CDH2: variants seen among roughly 807,000 people sequenced by gnomAD.
The protein encoded by CDH2 is cadherin 2.
In CDH2, 17 loss-of-function variants were observed where a neutral mutation model predicts 92.0. The ratio of observed to expected loss-of-function variants is 0.18; its 90% CI spans 0.13 to 0.28. CDH2 has a LOEUF of 0.28. Ranked by LOEUF, CDH2 falls within the 10% of genes least tolerant of loss-of-function variation. The pLI is 1.00. For missense variants in CDH2, 862 were observed against 1,133.1 expected, an observed-to-expected ratio of 0.76 and a Z score of 3.44; for synonymous variants, 419 against 415.9, an observed-to-expected ratio of 1.01 and a Z score of -0.09.
chr18:28,136,106 G>A (rs2015857589), intron 2 of CDH2, among the ~76,000 whole-genome samples: 1 of 152,112 alleles, frequency 6.6e-6, no homozygotes, highest in Non-Finnish European at 1.5e-5. Flanking sequence ...TTAATTTAAA[G>A]TTAACTTCTG....
At chr18:28,113,510 T>C (rs1262618552) in intron 2 of CDH2, among the ~76,000 whole-genome samples, 1 of 149,794 alleles carries the variant, frequency 6.7e-6, no homozygotes, top group South Asian at 2.1e-4. Flanking sequence ...AAAAGAAATA[T>C]GTTTACCAAA....
chr18:28,085,073 T>A (rs1436191277), intron 2 of CDH2, among the ~76,000 whole-genome samples: 1 of 152,112 alleles, frequency 6.6e-6, no homozygotes, highest in Admixed American at 6.6e-5. Flanking sequence ...TCTGAACTCC[T>A]CCTCCTGTTG....
At chr18:28,077,719 C>T (rs17446323) in intron 2 of CDH2, among the ~76,000 whole-genome samples, 3,326 of 151,730 alleles carry the variant, frequency 0.022, 47 homozygotes, top group East Asian at 0.053. Context: ...GGTGAAACCC[C>T]GTCTCTGCCA....
intron 9 of CDH2, 50 bp from the exon 10 acceptor site, chr18:27,990,400 C>G: frequency 6.5e-7 from 1 of 1,547,824 alleles, no homozygotes; most frequent in Non-Finnish European, 8.8e-7. Context: ...AGAATGCTTG[C>G]ATTCTGTAGT....
chr18:28,008,175 T>G (rs1406381982), intron 5 of CDH2, among the ~76,000 whole-genome samples: 1 of 152,214 alleles, frequency 6.6e-6, no homozygotes, highest in Non-Finnish European at 1.5e-5. Context: ...CTTAAGAATT[T>G]TAAATTGATC....
At chr18:28,085,126 A>G (rs1164440129) in intron 2 of CDH2, among the ~76,000 whole-genome samples, 1 of 152,130 alleles carries the variant, frequency 6.6e-6, no homozygotes, top group African/African-American at 2.4e-5. Context: ...GACTTCCTCT[A>G]GAGAGACAGA....
At chr18:28,165,682 T>C (rs1178238439) in intron 1 of CDH2, among the ~76,000 whole-genome samples, 1 of 151,880 alleles carries the variant, frequency 6.6e-6, no homozygotes, top group Non-Finnish European at 1.5e-5. Context: ...AGGGAACCAA[T>C]GCAAATCTGG....
intron 2 of CDH2, among the ~76,000 whole-genome samples, chr18:28,063,370 G>A (rs1222408346): frequency 6.6e-6 from 1 of 152,152 alleles, no homozygotes; most frequent in Non-Finnish European, 1.5e-5. Flanking sequence ...TTAACTAAAG[G>A]CAGAAGAATA....
chr18:27,964,531 G>A (rs929279225), intron 14 of CDH2, among the ~76,000 whole-genome samples: 13 of 152,218 alleles, frequency 8.5e-5, no homozygotes, highest in South Asian at 6.2e-4. Context: ...ATGTAGTTAT[G>A]CTTTTCTTAG....
intron 6 of CDH2, among the ~76,000 whole-genome samples, chr18:28,003,897 A>G (rs1462488895): frequency 6.6e-6 from 1 of 152,216 alleles, no homozygotes; most frequent in Non-Finnish European, 1.5e-5. Flanking sequence ...GTTACTGTTT[A>G]GAGTGGTTTG....
intron 2 of CDH2, among the ~76,000 whole-genome samples, chr18:28,085,231 G>T (rs953191842): frequency 6.6e-6 from 1 of 151,884 alleles, no homozygotes; most frequent in African/African-American, 2.4e-5. Context: ...TCCCGCCACC[G>T]GCCTTATCTT....
chr18:28,048,608 A>G (rs2014127563), intron 2 of CDH2, among the ~76,000 whole-genome samples: 2 of 152,214 alleles, frequency 1.3e-5, no homozygotes, highest in Admixed American at 6.5e-5. Flanking sequence ...CTACAATGCT[A>G]TTCAAAATGC....
intron 14 of CDH2, among the ~76,000 whole-genome samples, chr18:27,971,308 CTTTTTTT>C (rs60035433): frequency 3.5e-5 from 4 of 114,454 alleles, no homozygotes; most frequent in Admixed American, 8.8e-5. Context: ...CATGTCAGTT[CTTTTTTT>C]TTTTTTTTTT....
chr18:28,131,683 G>GGTGTGTGTGTGTGT (rs33990872), intron 2 of CDH2, among the ~76,000 whole-genome samples: 3,274 of 150,228 alleles, frequency 0.022, 48 homozygotes, highest in Non-Finnish European at 0.03. Flanking sequence ...AAGCATTTGT[G>GGTGTGTGTGTGTGT]GTGTGTGTGT....
Position 27,963,342 on chromosome 18 carries a change from A to G in CDH2, c.2514+15T>C. 1 of 1,612,384 alleles carries G rather than the reference A, an allele frequency of 6.2e-7. No homozygotes were observed. Among genetic ancestry groups the G allele is most frequent in the South Asian group, 1.1e-5 (1 of 90,994 alleles). On this transcript the variant is annotated intron_variant, in intron 15 of 15. Transcript: ENST00000269141. ...AATGAAAACTCTTATAGAGAAAACG[A>G]GTGTCTCTCTGTACCTCATTAATGA... is the stretch of plus-strand genomic sequence containing the variant.
At chr18:28,134,665 C>T (rs747060749) in intron 2 of CDH2, among the ~76,000 whole-genome samples, 13 of 152,126 alleles carry the variant, frequency 8.5e-5, no homozygotes, top group Admixed American at 2.0e-4. Context: ...AAGCCATGAT[C>T]GTACCACTGC....
intron 14 of CDH2, among the ~76,000 whole-genome samples, chr18:27,966,872 T>C (rs2011545788): frequency 6.6e-6 from 1 of 152,160 alleles, no homozygotes; most frequent in Admixed American, 6.5e-5. Context: ...TTATAGAAAG[T>C]TCCCACTAAA....
At chr18:28,081,702 T>C (rs571815360) in intron 2 of CDH2, among the ~76,000 whole-genome samples, 1 of 152,328 alleles carries the variant, frequency 6.6e-6, no homozygotes, top group African/African-American at 2.4e-5. Context: ...AAGACTTCCC[T>C]GAATAATGAT....
intron 14 of CDH2, among the ~76,000 whole-genome samples, chr18:27,977,642 G>A (rs1422896387): frequency 6.6e-6 from 1 of 152,070 alleles, no homozygotes; most frequent in African/African-American, 2.4e-5. Flanking sequence ...CTGCCTTGCT[G>A]TAAACACAGT....
Sources: gnomAD v4.1 joint callset for allele counts (sites outside exome capture counted in the v4.1 genomes callset) on GRCh38, gnomAD v4.1.1 for gene constraint, MANE v1.5 for transcripts, NCBI Gene and HGNC (gene_info 2026-07-23, HGNC 2026-07-21) for gene names.